Variants in ASB3 observed in about 807,000 individuals in gnomAD.
The protein encoded by ASB3 is ankyrin repeat and SOCS box containing 3.
In ASB3, 41 loss-of-function variants were observed where a neutral mutation model predicts 54.5. That is an observed-to-expected ratio of 0.75 (90% confidence interval 0.59 to 0.98). The LOEUF (loss-of-function observed/expected upper bound fraction) is 0.98, where lower values mean the gene tolerates loss of function less well. ASB3 is among the 50% of genes least tolerant of loss of function. ASB3 has a pLI of 0.00. For missense variants in ASB3, 733 were observed against 620.0 expected (o/e 1.18, Z -1.94); for synonymous variants, 266 against 221.2 (o/e 1.20, Z -1.80).
intron 1 of ASB3, among the ~76,000 whole-genome samples, chr2:53,779,823 A>G (rs1430539573): frequency 6.6e-6 from 1 of 152,240 alleles, no homozygotes; most frequent in African/African-American, 2.4e-5. Context: ...TCCCTGAACT[A>G]CTTCTAATTT....
chr2:53,745,724 T>C lies in ASB3; in HGVS notation c.355+5059A>G, dbSNP rs1430207684. ...GGCCATCAGGACAGGTCCTATAACA[T>C]GTAATAGAGTATAGCTTCCCTTGAG... On this transcript the variant is annotated intron_variant, in intron 3 of 9. Coordinates refer to ENST00000263634, the MANE Select transcript of ASB3 (RefSeq NM_016115.5). Among the ~76,000 whole-genome samples the C allele has an allele frequency of 2.0e-5, 3 of 152,328 alleles. No homozygotes were observed. In the East Asian group the frequency reaches 5.8e-4, roughly 29 times the overall value.
intron 8 of ASB3, among the ~76,000 whole-genome samples, chr2:53,697,741 T>C (rs1035974841): frequency 6.6e-6 from 1 of 152,188 alleles, no homozygotes; most frequent in East Asian, 1.9e-4. Context: ...TCAAGAGGAT[T>C]ACCTTGAGAC....
chr2:53,774,071 A>AC (rs2104172327), intron 1 of ASB3: 3 of 1,408,634 alleles, frequency 2.1e-6, no homozygotes, highest in Non-Finnish European at 2.9e-6. Context: ...ATACTCCCTT[A>AC]GATCACAACC....
chr2:53,673,326 A>T (rs1470260260), intron 9 of ASB3, among the ~76,000 whole-genome samples: 1 of 152,198 alleles, frequency 6.6e-6, no homozygotes, highest in Admixed American at 6.5e-5. Context: ...AGCTGCTCAC[A>T]TGGAGATAAG....
rs182206541 is a variant in ASB3 at position 53,682,063 on chromosome 2, G to A, written c.1370-11373C>T. 3.3e-3 allele frequency among the ~76,000 whole-genome samples: 504 copies of A among 151,938 alleles called. 3 individuals carry two copies. Among genetic ancestry groups the A allele is most frequent in the African/African-American group, 0.012 (481 of 41,384 alleles). ...TAACCCCAGCTACTTGGGAGGCTGA[G>A]GCAGGAGAATTGCTTGAATCCGGGA... is the stretch of plus-strand genomic sequence containing the variant. On this transcript the variant is annotated intron_variant, in intron 9 of 9. Coordinates refer to ENST00000263634, the MANE Select transcript of ASB3 (RefSeq NM_016115.5).
intron 7 of ASB3, among the ~76,000 whole-genome samples, chr2:53,706,414 T>C (rs1299031043): frequency 6.6e-6 from 1 of 152,146 alleles, no homozygotes; most frequent in Non-Finnish European, 1.5e-5. Context: ...AGACAAAATA[T>C]TATGTCTTTA....
At chr2:53,700,127 A>G (rs1669406155) in intron 8 of ASB3, 144 bp downstream of exon 8, 19 of 1,285,290 alleles carry the variant, frequency 1.5e-5, no homozygotes, top group Admixed American at 2.7e-5. Flanking sequence ...CATTATTAGC[A>G]GCCACCAACT....
intron 3 of ASB3, among the ~76,000 whole-genome samples, chr2:53,737,481 G>C (rs1208127508): frequency 6.6e-6 from 1 of 152,104 alleles, no homozygotes; most frequent in African/African-American, 2.4e-5. Flanking sequence ...TTCAAGCGTA[G>C]GTTGCACATG....
chr2:53,729,776 T>C (rs529904293), intron 3 of ASB3, among the ~76,000 whole-genome samples: 2 of 152,334 alleles, frequency 1.3e-5, no homozygotes, highest in East Asian at 1.9e-4. Flanking sequence ...TTCAATAGCA[T>C]GTTAAAAGAC....
intron 3 of ASB3, among the ~76,000 whole-genome samples, chr2:53,734,918 GTTT>G (rs35847412): frequency 1.7e-5 from 2 of 119,636 alleles, no homozygotes; most frequent in African/African-American, 3.3e-5. Flanking sequence ...CTTTATACAA[GTTT>G]TTTTTTTTTT....
chr2:53,771,893 C>G, intron 1 of ASB3: 1 of 1,540,722 alleles, frequency 6.5e-7, no homozygotes, highest in Non-Finnish European at 8.8e-7. Context: ...TTTTTTTTTA[C>G]CTTTTTAAAA....
At chr2:53,671,922 G>T (rs1022285981) in intron 9 of ASB3, among the ~76,000 whole-genome samples, 1 of 152,200 alleles carries the variant, frequency 6.6e-6, no homozygotes. Context: ...ATGATGAACA[G>T]ACCAGGATCA....
intron 1 of ASB3, among the ~76,000 whole-genome samples, chr2:53,784,469 C>A (rs921958917): frequency 6.6e-6 from 1 of 152,200 alleles, no homozygotes; most frequent in Non-Finnish European, 1.5e-5. Context: ...GCAGCTTAGA[C>A]AGCATAAATT....
At chr2:53,683,429 T>C (rs534199065) in intron 9 of ASB3, among the ~76,000 whole-genome samples, 1 of 152,128 alleles carries the variant, frequency 6.6e-6, no homozygotes, top group African/African-American at 2.4e-5. Flanking sequence ...TTTTTTTGGT[T>C]TTGTTTTGTT....
At chr2:53,746,727 G>A (rs1252101480) in intron 3 of ASB3, among the ~76,000 whole-genome samples, 2 of 151,952 alleles carry the variant, frequency 1.3e-5, no homozygotes, top group Admixed American at 6.6e-5. Flanking sequence ...TGATCCGCCC[G>A]CCTCGGCCTC....
chr2:53,697,111 G>C (rs1669224452), intron 8 of ASB3, among the ~76,000 whole-genome samples: 2 of 152,220 alleles, frequency 1.3e-5, no homozygotes, highest in African/African-American at 2.4e-5. Context: ...AGATGGTGAT[G>C]AAAGTGACCT....
chr2:53,702,929 C>T (rs1455582348), intron 7 of ASB3, among the ~76,000 whole-genome samples: 1 of 152,236 alleles, frequency 6.6e-6, no homozygotes, highest in African/African-American at 2.4e-5. Context: ...TACTGAATGG[C>T]TTTCGACCAT....
At chr2:53,743,021 C>T (rs1672018734) in intron 3 of ASB3, among the ~76,000 whole-genome samples, 1 of 152,112 alleles carries the variant, frequency 6.6e-6, no homozygotes, top group East Asian at 1.9e-4. Flanking sequence ...ATTAGGCTAG[C>T]TTCAGACTTC....
intron 2 of ASB3, among the ~76,000 whole-genome samples, chr2:53,755,460 T>G (rs1672761772): frequency 6.6e-6 from 1 of 152,244 alleles, no homozygotes; most frequent in Non-Finnish European, 1.5e-5. Context: ...GGAGATAGGT[T>G]AAGTATTAAG....
Sources: allele counts gnomAD v4.1 joint callset (sites outside exome capture counted in the v4.1 genomes callset), GRCh38; gene constraint gnomAD v4.1.1; transcripts MANE v1.5; gene names NCBI Gene and HGNC (gene_info 2026-07-23, HGNC 2026-07-21).